The following SKAP2 variants were observed in gnomAD, a reference collection of about 807,000 sequenced individuals.
The protein encoded by SKAP2 is src kinase associated phosphoprotein 2.
SKAP2 carries 28 observed loss-of-function variants against 54.9 expected under a neutral mutation model. That is an observed-to-expected ratio of 0.51 (90% confidence interval 0.38 to 0.70). SKAP2 has a LOEUF of 0.70. Ranked by LOEUF, SKAP2 falls within the 30% of genes least tolerant of loss-of-function variation. The pLI is 0.00. For missense variants in SKAP2, 356 were observed against 424.1 expected (o/e 0.84, Z 1.41); for synonymous variants, 137 against 134.3 (o/e 1.02, Z -0.14).
At chr7:26,851,623 A>C (rs1785045583) in intron 3 of SKAP2, among the ~76,000 whole-genome samples, 1 of 151,918 alleles carries the variant, frequency 6.6e-6, no homozygotes, top group Non-Finnish European at 1.5e-5. Context: ...GTAAATGACG[A>C]GTTAATGGGT....
chr7:26,706,675 T>C (rs143616694), intron 9 of SKAP2, among the ~76,000 whole-genome samples: 6 of 152,286 alleles, frequency 3.9e-5, no homozygotes, highest in East Asian at 1.9e-4. Context: ...ATGTAAGTTC[T>C]ACAAATGAAA....
intron 9 of SKAP2, among the ~76,000 whole-genome samples, chr7:26,700,775 G>A (rs1398097037): frequency 6.6e-6 from 1 of 152,158 alleles, no homozygotes; most frequent in African/African-American, 2.4e-5. Flanking sequence ...CCCAACTTGA[G>A]ACACTTTCTA....
intron 4 of SKAP2, among the ~76,000 whole-genome samples, chr7:26,754,550 CT>C (rs1782749692): frequency 6.6e-6 from 1 of 152,202 alleles, no homozygotes; most frequent in African/African-American, 2.4e-5. Flanking sequence ...TACATGGTCT[CT>C]TTTTCTCCCA....
Position 26,711,370 on chromosome 7 carries a change from G to A in SKAP2, c.796+14058C>T, listed in dbSNP as rs55765498. ...AACAGGGGCTATTTATTGATCATCTGAGTACCCACCCTATACCTTGCAGAT... is the reference window on the plus strand; with the variant it reads ...AACAGGGGCTATTTATTGATCATCTAAGTACCCACCCTATACCTTGCAGAT... On this transcript the variant is annotated intron_variant, in intron 9 of 12. Transcript: ENST00000345317. 6.1e-3 allele frequency among the ~76,000 whole-genome samples: 921 copies of A among 152,216 alleles called. 11 individuals are homozygous for A. The highest frequency in any genetic ancestry group is 0.02 in the African/African-American group (848 of 41,528).
At chr7:26,847,548 C>T (rs1784951381) in intron 3 of SKAP2, among the ~76,000 whole-genome samples, 1 of 151,916 alleles carries the variant, frequency 6.6e-6, no homozygotes, top group African/African-American at 2.4e-5. Flanking sequence ...AAACTGAACT[C>T]CAAATCAACA....
chr7:26,854,115 T>C (rs1335004544), intron 3 of SKAP2, 22 bp downstream of exon 3: 2 of 1,558,962 alleles, frequency 1.3e-6, no homozygotes, highest in Non-Finnish European at 1.7e-6. Flanking sequence ...AATTTTCAAG[T>C]TTGCCAAACA....
At chr7:26,763,053 T>C (rs1030648) in intron 4 of SKAP2, among the ~76,000 whole-genome samples, 44,838 of 152,090 alleles carry the variant, frequency 0.29, 6,899 homozygotes, top group Non-Finnish European at 0.34. Context: ...CACTGACCAA[T>C]TGAAGTTTAC....
intron 4 of SKAP2, among the ~76,000 whole-genome samples, chr7:26,775,896 C>T (rs1009478623): frequency 6.6e-6 from 1 of 152,016 alleles, no homozygotes; most frequent in Admixed American, 6.6e-5. Context: ...ACTGGTATTC[C>T]AAGGTATGCA....
At chr7:26,674,925 T>C (rs932236500) in intron 11 of SKAP2, among the ~76,000 whole-genome samples, 6 of 152,306 alleles carry the variant, frequency 3.9e-5, no homozygotes, top group East Asian at 1.9e-4. Flanking sequence ...ACATTCAGAC[T>C]GGTGATTCGC....
chr7:26,861,907 A>G (rs1037622768), intron 1 of SKAP2, among the ~76,000 whole-genome samples: 19 of 151,930 alleles, frequency 1.3e-4, no homozygotes, highest in African/African-American at 4.6e-4. Flanking sequence ...TTTTGATTAT[A>G]TATTCTTCTT....
chr7:26,659,834 C>T, the SKAP2 span, among the ~76,000 whole-genome samples: 1 of 152,098 alleles, frequency 6.6e-6, no homozygotes, highest in Admixed American at 6.6e-5. Flanking sequence ...AAATAAATGT[C>T]GTATTGGTAT....
At chr7:26,808,225 C>T (rs1301219055) in intron 4 of SKAP2, among the ~76,000 whole-genome samples, 1 of 151,928 alleles carries the variant, frequency 6.6e-6, no homozygotes, top group Non-Finnish European at 1.5e-5. Context: ...AAATAAATGT[C>T]CATGAACAGA....
intron 1 of SKAP2, among the ~76,000 whole-genome samples, chr7:26,855,752 G>A (rs749891433): frequency 5.3e-5 from 8 of 151,864 alleles, no homozygotes; most frequent in Non-Finnish European, 1.0e-4. Flanking sequence ...TTTTATACTA[G>A]TTCCATTCTT....
At chr7:26,720,065 C>A (rs1023137052) in intron 9 of SKAP2, among the ~76,000 whole-genome samples, 3 of 126,460 alleles carry the variant, frequency 2.4e-5, no homozygotes, top group Non-Finnish European at 5.6e-5. Context: ...CACACACACA[C>A]ACACACACAC....
intron 4 of SKAP2, among the ~76,000 whole-genome samples, chr7:26,827,358 G>T (rs1562626435): frequency 6.6e-6 from 1 of 152,068 alleles, no homozygotes; most frequent in Non-Finnish European, 1.5e-5. Context: ...TATTCCAAAT[G>T]AAAAACTTTC....
chr7:26,823,017 G>A (rs1021139721), intron 4 of SKAP2, among the ~76,000 whole-genome samples: 9 of 152,158 alleles, frequency 5.9e-5, no homozygotes, highest in African/African-American at 1.9e-4. Flanking sequence ...GTAGAAAGTC[G>A]AGATAGGCCA....
intron 4 of SKAP2, among the ~76,000 whole-genome samples, chr7:26,822,214 T>C (rs1784396332): frequency 6.6e-6 from 1 of 152,220 alleles, no homozygotes; most frequent in Non-Finnish European, 1.5e-5. Context: ...TAATGCACTT[T>C]ACAGATACTG....
intron 5 of SKAP2, among the ~76,000 whole-genome samples, chr7:26,739,612 C>T (rs989534050): frequency 1.3e-5 from 2 of 152,310 alleles, no homozygotes; most frequent in East Asian, 3.9e-4. Context: ...CAGTCATGGC[C>T]TGCAGCTTTC....
intron 9 of SKAP2, among the ~76,000 whole-genome samples, chr7:26,699,292 C>T (rs1027786278): frequency 6.6e-6 from 1 of 152,126 alleles, no homozygotes; most frequent in Non-Finnish European, 1.5e-5. Flanking sequence ...TATAAGTTAA[C>T]TGTACTTAAA....
Sources: allele counts gnomAD v4.1 joint callset (sites outside exome capture counted in the v4.1 genomes callset), GRCh38; gene constraint gnomAD v4.1.1; transcripts MANE v1.5; gene names NCBI Gene and HGNC (gene_info 2026-07-23, HGNC 2026-07-21).